The following AK5 variants were observed in gnomAD, a reference collection of about 807,000 sequenced individuals.
AK5 encodes the protein adenylate kinase 5.
Under a neutral mutation model 69.5 loss-of-function variants are expected in AK5, and 27 were observed. That is an observed-to-expected ratio of 0.39 (90% CI 0.29 to 0.54). The LOEUF (loss-of-function observed/expected upper bound fraction) is 0.54. Ranked by LOEUF, AK5 falls within the 20% of genes least tolerant of loss-of-function variation. The pLI is 0.71. For synonymous variants in AK5, 260 were observed against 244.4 expected, an observed-to-expected ratio of 1.06 and a Z score of -0.60; for missense variants, 531 against 700.4, an observed-to-expected ratio of 0.76 and a Z score of 2.73.
intron 13 of AK5, among the ~76,000 whole-genome samples, chr1:77,542,583 C>G (rs1659335113): frequency 6.6e-6 from 1 of 152,172 alleles, no homozygotes; most frequent in Non-Finnish European, 1.5e-5. Flanking sequence ...AAATAGCTAT[C>G]TCAAGTGGCA....
chr1:77,502,863 C>T (rs1333339145), intron 10 of AK5, among the ~76,000 whole-genome samples: 1 of 152,188 alleles, frequency 6.6e-6, no homozygotes, highest in Non-Finnish European at 1.5e-5. Context: ...TCTTGGACTA[C>T]TCACCAAAGC....
At position 77,450,621 on chromosome 1, in the gene AK5, A is replaced by G. The variant is rs928570679; in HGVS notation, c.1060-32696A>G. On this transcript the variant is annotated intron_variant, in intron 8 of 13. Transcript: ENST00000354567. ...CTCACTCTAAGTTCATCACTTTCCA[A>G]TAAGGCATGCTGCTGCCCCAGAATC... Among the ~76,000 whole-genome samples the G allele has an allele frequency of 5.3e-5, 8 of 152,210 alleles. No individual in the cohort carries two copies. In the South Asian group the frequency reaches 6.2e-4, roughly 12 times the overall value.
At chr1:77,531,826 T>G (rs1570320252) in intron 12 of AK5, among the ~76,000 whole-genome samples, 1 of 74,792 alleles carries the variant, frequency 1.3e-5, no homozygotes, top group Non-Finnish European at 2.5e-5. Flanking sequence ...TCGGGGAGGC[T>G]GGTGCCGCGC....
chr1:77,454,450 A>G (rs750525097), intron 8 of AK5, among the ~76,000 whole-genome samples: 1 of 152,198 alleles, frequency 6.6e-6, no homozygotes, highest in Non-Finnish European at 1.5e-5. Context: ...TTCTCATCAC[A>G]TATCTAGCTA....
Position 77,293,782 on chromosome 1 carries a change from C to T in AK5, c.248-11C>T, listed in dbSNP as rs1275087763. The T allele has an allele frequency of 6.3e-7, 1 of 1,581,302 alleles. No individual in the cohort carries two copies. The highest frequency in any genetic ancestry group is 8.6e-7 in the Non-Finnish European group (1 of 1,165,864). On this transcript the variant is annotated splice_polypyrimidine_tract_variant and intron_variant, in intron 2 of 13. Coordinates refer to ENST00000354567, the MANE Select transcript of AK5 (RefSeq NM_174858.3). The stretch of plus-strand genomic sequence containing the variant: ...TTTTTTCCTTTTCAAAGTTATCTTA[C>T]TCTTTTGCAGTAATGCCTGAAAACT...
intron 8 of AK5, among the ~76,000 whole-genome samples, chr1:77,459,010 T>C (rs752663489): frequency 1.3e-5 from 2 of 152,206 alleles, no homozygotes; most frequent in Admixed American, 6.5e-5. Flanking sequence ...GGTTCCTCAC[T>C]GCACAGGGAG....
At chr1:77,284,992 GTTTTC>G (rs944949251) in intron 1 of AK5, among the ~76,000 whole-genome samples, 1 of 152,176 alleles carries the variant, frequency 6.6e-6, no homozygotes, top group African/African-American at 2.4e-5. Context: ...AGAATCTCAT[GTTTTC>G]TTTTATCTCA....
At chr1:77,346,521 G>T (rs1442349958) in intron 6 of AK5, among the ~76,000 whole-genome samples, 1 of 152,148 alleles carries the variant, frequency 6.6e-6, no homozygotes, top group Non-Finnish European at 1.5e-5. Context: ...GTGGGGGATA[G>T]GGTCTGGCTG....
At chr1:77,297,469 G>C (rs560524330) in intron 3 of AK5, 90 bp from the exon 4 acceptor site, 7 of 1,265,594 alleles carry the variant, frequency 5.5e-6, no homozygotes, top group Non-Finnish European at 7.6e-6. Context: ...TGGTGACACA[G>C]AATTTGCATC....
In AK5 at chr1:77,487,165, C is replaced by G. The variant is rs180691254; in HGVS notation, c.1147+813C>G. ...GAGGTTTACCAACATTTTCTGAGCACCCACTATGCTCCAGGTTATCTCAAT... is the reference window on the plus strand; with the variant it reads ...GAGGTTTACCAACATTTTCTGAGCAGCCACTATGCTCCAGGTTATCTCAAT... On this transcript the variant is annotated intron_variant, in intron 10 of 13. Coordinates refer to ENST00000354567, the MANE Select transcript of AK5 (RefSeq NM_174858.3). Among the ~76,000 whole-genome samples, 403 of 152,300 alleles carry G rather than the reference C, an allele frequency of 2.6e-3. 1 individual carries two copies. Among genetic ancestry groups the G allele is most frequent in the African/African-American group, 9.3e-3 (387 of 41,552 alleles).
chr1:77,455,769 G>A lies in AK5; in HGVS notation c.1060-27548G>A, dbSNP rs568408351. Among the ~76,000 whole-genome samples, 77 of 152,168 alleles carry A rather than the reference G, an allele frequency of 5.1e-4. 3 individuals carry two copies. The South Asian group carries it at 0.014, about 28-fold the overall frequency. On this transcript the variant is annotated intron_variant, in intron 8 of 13. Coordinates refer to ENST00000354567, the MANE Select transcript of AK5 (RefSeq NM_174858.3). ...CGGGTGAGCTGTAAAACCTCCCCACGTTCACGCCCCACCCCCAGAGATTCT... is the reference window on the plus strand; with the variant it reads ...CGGGTGAGCTGTAAAACCTCCCCACATTCACGCCCCACCCCCAGAGATTCT...
At chr1:77,529,038 A>C (rs1658432398) in intron 12 of AK5, among the ~76,000 whole-genome samples, 1 of 152,214 alleles carries the variant, frequency 6.6e-6, no homozygotes, top group Non-Finnish European at 1.5e-5. Context: ...TTTTTTAATA[A>C]TGTGTATTTT....
At chr1:77,307,682 T>C (rs1370040695) in intron 5 of AK5, among the ~76,000 whole-genome samples, 1 of 152,194 alleles carries the variant, frequency 6.6e-6, no homozygotes, top group Non-Finnish European at 1.5e-5. Flanking sequence ...CTGGAAGATC[T>C]TTCCAATGCT....
chr1:77,500,100 A>G (rs1656621879), intron 10 of AK5, among the ~76,000 whole-genome samples: 1 of 151,930 alleles, frequency 6.6e-6, no homozygotes, highest in Admixed American at 6.6e-5. Context: ...TAACCATCTC[A>G]GAGCCATAAT....
At chr1:77,376,651 A>G (rs938893108) in intron 6 of AK5, among the ~76,000 whole-genome samples, 2 of 152,152 alleles carry the variant, frequency 1.3e-5, no homozygotes, top group Non-Finnish European at 2.9e-5. Flanking sequence ...TAAGAAATAC[A>G]GAAGTCTGGC....
At chr1:77,451,779 C>T (rs1322963027) in intron 8 of AK5, among the ~76,000 whole-genome samples, 1 of 152,198 alleles carries the variant, frequency 6.6e-6, no homozygotes, top group Non-Finnish European at 1.5e-5. Context: ...ATTGCCTTTG[C>T]ACCATTTCAC....
chr1:77,542,312 G>A (rs1442025645), intron 13 of AK5, among the ~76,000 whole-genome samples: 3 of 151,986 alleles, frequency 2.0e-5, no homozygotes, highest in African/African-American at 7.3e-5. Flanking sequence ...GACAAAACGA[G>A]ACTCGGTCTC....
chr1:77,300,725 C>A (rs2100257334), intron 5 of AK5, among the ~76,000 whole-genome samples: 1 of 152,256 alleles, frequency 6.6e-6, no homozygotes, highest in East Asian at 1.9e-4. Context: ...CAAGTCTGTT[C>A]CTGCTTCAGA....
At chr1:77,374,199 T>C (rs578061857) in intron 6 of AK5, among the ~76,000 whole-genome samples, 6 of 152,336 alleles carry the variant, frequency 3.9e-5, no homozygotes, top group Non-Finnish European at 8.8e-5. Context: ...CCATTCTCAA[T>C]ACTGTCTCAT....
Sources: allele counts gnomAD v4.1 joint callset (sites outside exome capture counted in the v4.1 genomes callset), GRCh38; gene constraint gnomAD v4.1.1; transcripts MANE v1.5; gene names NCBI Gene and HGNC (gene_info 2026-07-23, HGNC 2026-07-21).